The following SLC26A8 variants were observed in gnomAD, a reference collection of about 807,000 sequenced individuals.
SLC26A8 encodes testis anion transporter 1.
A neutral mutation model predicts 105.0 loss-of-function variants in SLC26A8; 70 were observed. The observed-to-expected ratio is 0.67, with a 90% CI of 0.55 to 0.81. The LOEUF (loss-of-function observed/expected upper bound fraction) is 0.81, where lower values mean the gene tolerates loss of function less well. SLC26A8 is among the 40% of genes least tolerant of loss of function. The probability of loss-of-function intolerance (pLI) is 0.00; values close to 1 mark genes in which losing one functional copy is unlikely to be tolerated. For missense variants in SLC26A8, 998 were observed against 1,181.8 expected (o/e 0.84, Z 2.28); for synonymous variants, 415 against 438.3 (o/e 0.95, Z 0.66).
chr6:35,959,577 C>G lies in SLC26A8; in HGVS notation c.1746G>C (p.Lys582Asn), dbSNP rs748821012. ...HKLLKEVDMV[K>N]VPLKEEEIFS... is the part of the protein sequence containing the mutation. ...AAATTTCTTCTTCTTTAAGAGGCAC[C>G]TTTACCATATCAACCTGAAAGACAT... The change falls in exon 16 of 20, where the codon AAG becomes AAC. Residue 582 changes from lysine to asparagine, a missense_variant. Lys to Asn is a moderately conservative substitution (Grantham distance 94, BLOSUM62 0). Coordinates refer to ENST00000490799, the MANE Select transcript of SLC26A8 (RefSeq NM_052961.4). The G allele has an allele frequency of 6.2e-7, 1 of 1,613,244 alleles. No homozygotes were observed. Among genetic ancestry groups the G allele is most frequent in the South Asian group, 1.1e-5 (1 of 90,836 alleles).
intron 8 of SLC26A8, 66 bp downstream of exon 8, chr6:35,982,055 T>C: frequency 6.7e-7 from 1 of 1,495,150 alleles, no homozygotes; most frequent in Non-Finnish European, 9.3e-7. Context: ...AATCAGGCTG[T>C]GTGGTCAGAG....
intron 8 of SLC26A8, among the ~76,000 whole-genome samples, chr6:35,977,822 C>T (rs938736165): frequency 1.3e-5 from 2 of 152,086 alleles, no homozygotes; most frequent in Admixed American, 6.6e-5. Flanking sequence ...CGGTGGCTCA[C>T]GCCTGCAATC....
Position 35,955,206 on chromosome 6 carries a change from C to T in SLC26A8, c.2178G>A (p.Leu726=). Residue 726 remains leucine (L), a synonymous_variant, in exon 17 of 20, where the codon CTG becomes CTA. Coordinates refer to ENST00000490799, the MANE Select transcript of SLC26A8 (RefSeq NM_052961.4). ...SLLPSVHTII[L]DFSMVHYVDS... ...CCACGTAGTGTACCATGGAGAAATC[C>T]AGGATGATGGTGTGGACACTGGGCA... is the stretch of plus-strand genomic sequence containing the variant. 6.2e-7 allele frequency: 1 copy of T among 1,614,084 alleles called. No homozygotes were observed.
At chr6:35,966,151 A>G (rs561773062) in intron 11 of SLC26A8, among the ~76,000 whole-genome samples, 2 of 152,110 alleles carry the variant, frequency 1.3e-5, no homozygotes, top group Non-Finnish European at 2.9e-5. Context: ...GTCCACGCTT[A>G]CTCTGGCTTT....
intron 7 of SLC26A8, among the ~76,000 whole-genome samples, chr6:35,982,509 GT>G (rs1313114430): frequency 2.6e-5 from 4 of 152,074 alleles, no homozygotes; most frequent in Non-Finnish European, 1.5e-5. Context: ...ATTTTTTCTT[GT>G]TTTAATATTT....
chr6:36,022,611 A>G (rs1243973269), intron 1 of SLC26A8, among the ~76,000 whole-genome samples: 1 of 152,164 alleles, frequency 6.6e-6, no homozygotes, highest in African/African-American at 2.4e-5. Context: ...AGATGTTATC[A>G]AGTCATAAAC....
intron 11 of SLC26A8, among the ~76,000 whole-genome samples, chr6:35,968,605 G>GAATATATATATA (rs1402291129): frequency 5.6e-4 from 30 of 53,852 alleles, no homozygotes; most frequent in East Asian, 8.6e-4. Context: ...GTGTGTGTGT[G>GAATATATATATA]TGTGTATATA....
intron 17 of SLC26A8, among the ~76,000 whole-genome samples, chr6:35,954,093 G>A (rs969873515): frequency 3.9e-5 from 6 of 152,176 alleles, no homozygotes; most frequent in African/African-American, 2.4e-5. Context: ...ACTGGGATAA[G>A]CTGGCTAAAA....
At chr6:36,001,923 G>A (rs2127358948) in intron 3 of SLC26A8, among the ~76,000 whole-genome samples, 1 of 152,276 alleles carries the variant, frequency 6.6e-6, no homozygotes, top group Non-Finnish European at 1.5e-5. Context: ...GAGAGACCTC[G>A]AACCAGAGGT....
At position 35,966,650 on chromosome 6, in the gene SLC26A8, G is replaced by A. The variant is rs184326047; in HGVS notation, c.1365+2227C>T. Among the ~76,000 whole-genome samples, 295 of 152,284 alleles carry A rather than the reference G, an allele frequency of 1.9e-3. 1 individual carries two copies. Among genetic ancestry groups the A allele is most frequent in the Admixed American group, 6.3e-3 (97 of 15,302 alleles). ...AACTAGTTGAGATCCTAGCCTGAAT[G>A]CTCTACTAGGGACTCTAACAAGGGT... is the stretch of plus-strand genomic sequence containing the variant. On this transcript the variant is annotated intron_variant, in intron 11 of 19. Coordinates refer to ENST00000490799, the MANE Select transcript of SLC26A8 (RefSeq NM_052961.4).
chr6:36,023,827 AAGCAAAG>A (rs1451352528), intron 1 of SLC26A8, among the ~76,000 whole-genome samples: 1 of 152,184 alleles, frequency 6.6e-6, no homozygotes. Flanking sequence ...GAAAAGGTAT[AAGCAAAG>A]AGCCTGGCCT....
chr6:35,980,989 CGA>C (rs1773244285), intron 8 of SLC26A8, among the ~76,000 whole-genome samples: 1 of 151,490 alleles, frequency 6.6e-6, no homozygotes, highest in African/African-American at 2.4e-5. Flanking sequence ...CCAGCCTGGG[CGA>C]CAGAGCAAGA....
In SLC26A8 at chr6:35,961,052, G is replaced by A. The variant is rs757605023; in HGVS notation, c.1509C>T (p.Asp503=). Residue 503 remains aspartate, a synonymous_variant, in exon 13 of 20, where the codon GAC becomes GAT. Coordinates refer to ENST00000490799, the MANE Select transcript of SLC26A8 (RefSeq NM_052961.4). ...TFSSSIFLGL[D]IGLIISVVSA... ...AAACTACTGAGATAATTAGTCCAAT[G>A]TCCAGTCCCAGGAAAATTGAAGATG... 6.2e-7 allele frequency: 1 copy of A among 1,614,016 alleles called. No homozygotes were observed. Among genetic ancestry groups the A allele is most frequent in the African/African-American group, 1.3e-5 (1 of 74,916 alleles).
Position 35,955,269 on chromosome 6 carries a change from C to T in SLC26A8, c.2115G>A (p.Gly705=). ...PGLPDVAESQ[G]RRSLIPYSDA... is the part of the protein sequence containing the mutation. ...CTGAGTAAGGGATGAGTGATCTCCT[C>T]CCCTGGCTTTCCGCCACATCAGGCA... is the stretch of plus-strand genomic sequence containing the variant. Residue 705 remains glycine (G), a synonymous_variant, in exon 17 of 20, where the codon GGG becomes GGA. Transcript: ENST00000490799. 1.2e-6 allele frequency: 2 copies of T among 1,614,098 alleles called. No individual in the cohort carries two copies. The highest frequency in any genetic ancestry group is 1.7e-6 in the Non-Finnish European group (2 of 1,179,958).
Position 35,997,870 on chromosome 6 carries a change from G to A in SLC26A8, c.495C>T (p.Ser165=). 1 of 1,614,142 alleles carries A rather than the reference G, an allele frequency of 6.2e-7. No individual in the cohort carries two copies. Among genetic ancestry groups the A allele is most frequent in the African/African-American group, 1.3e-5 (1 of 75,034 alleles). Residue 165 remains serine, a synonymous_variant, in exon 5 of 20, where the codon AGC becomes AGT. Transcript: ENST00000490799. The part of the protein sequence containing the change: ...SALLINVLKV[S]PFNNGQLVMG... The stretch of plus-strand genomic sequence containing the variant: ...TGACCAGTTGACCGTTGTTGAATGG[G>A]CTCACTTTCAGAACGTTGATCAGCA...
intron 8 of SLC26A8, 48 bp from the exon 9 acceptor site, chr6:35,977,399 T>TG: frequency 1.9e-6 from 3 of 1,578,726 alleles, no homozygotes; most frequent in Non-Finnish European, 2.6e-6. Context: ...AATCCTTTCT[T>TG]GGTACCTCCG....
chr6:35,969,022 C>T, intron 10 of SLC26A8, 68 bp from the exon 11 acceptor site: 1 of 1,391,514 alleles, frequency 7.2e-7, no homozygotes, highest in Non-Finnish European at 1.0e-6. Context: ...CAACTGAGGC[C>T]TTCTGCTTGG....
intron 11 of SLC26A8, 127 bp from the exon 12 acceptor site, chr6:35,962,748 A>G: frequency 4.1e-6 from 3 of 733,844 alleles, no homozygotes; most frequent in Non-Finnish European, 6.9e-6. Context: ...TTTTATATGA[A>G]TACCATGTCT....
intron 12 of SLC26A8, among the ~76,000 whole-genome samples, chr6:35,961,682 G>A (rs1161236546): frequency 4.6e-5 from 7 of 152,234 alleles, no homozygotes; most frequent in Middle Eastern, 3.4e-3. Flanking sequence ...CAGTGGACCC[G>A]TCCCCTCTTA....
Sources: gnomAD v4.1 joint callset for allele counts (sites outside exome capture counted in the v4.1 genomes callset) on GRCh38, gnomAD v4.1.1 for gene constraint, MANE v1.5 for transcripts, NCBI Gene and HGNC (gene_info 2026-07-23, HGNC 2026-07-21) for gene names.